The following RIDA variants were observed in gnomAD, a reference collection of about 807,000 sequenced individuals.
RIDA encodes reactive intermediate imine deaminase A, also known as 2-iminobutanoate/2-iminopropanoate deaminase.
A neutral mutation model predicts 17.8 loss-of-function variants in RIDA; 17 were observed. That is an observed-to-expected ratio of 0.96 (90% confidence interval 0.65 to 1.43). The LOEUF is 1.43. Ranked by LOEUF, RIDA falls within the 40% of genes most tolerant of loss-of-function variation. The pLI is 0.00. For synonymous variants in RIDA, 48 were observed against 55.7 expected (o/e 0.86, Z 0.62); for missense variants, 158 against 161.7 (o/e 0.98, Z 0.12).
chr8:98,106,233 A>G (rs764206799), intron 3 of RIDA, 39 bp downstream of exon 3: 1 of 1,585,388 alleles, frequency 6.3e-7, no homozygotes, highest in Admixed American at 1.7e-5. Flanking sequence ...GACCAAAGAA[A>G]TATCAAAAAG....
In RIDA at chr8:98,108,585, A is replaced by G. The variant is rs184746744; in HGVS notation, c.171+61T>C. On this transcript the variant is annotated intron_variant, in intron 2 of 5. Transcript: ENST00000254878. The stretch of plus-strand genomic sequence containing the variant: ...AACAAATCAGGCAAGTGGATTCTTA[A>G]TGCTCTTCAACATTAAAAAGGTAGT... 4,265 of 1,025,938 alleles carry G rather than the reference A, an allele frequency of 4.2e-3. 15 individuals carry two copies. The highest frequency in any genetic ancestry group is 5.2e-3 in the Non-Finnish European group (3,351 of 644,658). The allele number at this position is 1,025,938 out of a possible 1,614,324, so 63.6% of individuals were successfully genotyped here.
Position 98,108,721 on chromosome 8 carries a change from G to A in RIDA, c.96C>T (p.Tyr32=), listed in dbSNP as rs1444679723. ...GGTCCATGCCTATCTGTCCTGAAATGTAAATGGTCCTGTCGACTAATACAG... is the reference window on the plus strand; with the variant it reads ...GGTCCATGCCTATCTGTCCTGAAATATAAATGGTCCTGTCGACTAATACAG... ...SQAVLVDRTI[Y]ISGQIGMDPS... Residue 32 remains tyrosine (Y), a synonymous_variant, in exon 2 of 6, where the codon TAC becomes TAT. Transcript: ENST00000254878. 5 of 1,613,132 alleles carry A rather than the reference G, an allele frequency of 3.1e-6. No homozygotes were observed. The South Asian group carries it at 5.5e-5, about 18-fold the overall frequency.
chr8:98,109,184 A>G (rs1210407037), intron 1 of RIDA, among the ~76,000 whole-genome samples: 1 of 152,190 alleles, frequency 6.6e-6, no homozygotes, highest in Non-Finnish European at 1.5e-5. Flanking sequence ...GCACTGAGTA[A>G]CAGAGAAAGA....
intron 1 of RIDA, among the ~76,000 whole-genome samples, chr8:98,111,939 A>G (rs1815734001): frequency 6.6e-6 from 1 of 151,834 alleles, no homozygotes; most frequent in African/African-American, 2.4e-5. Flanking sequence ...GTATTCATCC[A>G]GTTTTTTTAA....
In RIDA at chr8:98,108,495, A is replaced by G; in HGVS notation, c.171+151T>C. ...GATCCATCAAATTTCCAACTCTTAG[A>G]TCAAAAACTATGTTAAATCAAGCAG... is the stretch of plus-strand genomic sequence containing the variant. On this transcript the variant is annotated intron_variant, in intron 2 of 5. Transcript: ENST00000254878. The G allele has an allele frequency of 5.2e-6, 3 of 581,146 alleles. No homozygotes were observed. The South Asian group carries it at 6.1e-5, about 12-fold the overall frequency. The allele number at this position is 581,146 out of a possible 1,614,324, so 36.0% of individuals were successfully genotyped here.
rs770002948 is a variant in RIDA, at chr8:98,117,085, C to G, written c.12G>C (p.Leu4Phe). The G allele has an allele frequency of 6.2e-7, 1 of 1,614,202 alleles. No homozygotes were observed. Among genetic ancestry groups the G allele is most frequent in the South Asian group, 1.1e-5 (1 of 91,074 alleles). MSSLIRRVISTAKA... is the reference protein window; with the variant it reads MSSFIRRVISTAKA... ...TCGCGGTGCTGATCACCCTTCTGAT[C>G]AAGGACGACATGGCTAAGCCTTCCC... The change falls in exon 1 of 6, where the codon TTG becomes TTC. Residue 4 changes from leucine to phenylalanine, a missense_variant. Physicochemically the swap from Leu to Phe is conservative, Grantham distance 22. Transcript: ENST00000254878.
At chr8:98,105,702 A>G (rs762923718) in intron 4 of RIDA, among the ~76,000 whole-genome samples, 51 of 152,346 alleles carry the variant, frequency 3.3e-4, no homozygotes, top group Non-Finnish European at 6.3e-4. Flanking sequence ...TAAGCTTTTG[A>G]AAAATGGATA....
chr8:98,108,887 GA>G, intron 1 of RIDA, 136 bp from the exon 2 acceptor site: 2 of 578,486 alleles, frequency 3.5e-6, no homozygotes, highest in Non-Finnish European at 6.1e-6. Flanking sequence ...CATGAAAATT[GA>G]AAACTTTTGT....
At chr8:98,106,533 G>A in intron 2 of RIDA, 1 of 515,210 alleles carries the variant, frequency 1.9e-6, no homozygotes, top group South Asian at 2.7e-5. Flanking sequence ...CTCCTTTTGT[G>A]CGTAAAAAGA....
chr8:98,112,222 A>ACACACACACACACG (rs1424502988), intron 1 of RIDA, among the ~76,000 whole-genome samples: 3 of 151,544 alleles, frequency 2.0e-5, no homozygotes, highest in African/African-American at 7.3e-5. Context: ...ACACACACAC[A>ACACACACACACACG]CTTTCTCTAA....
Position 98,108,667 on chromosome 8 carries a change from C to T in RIDA, c.150G>A (p.Gly50=). 1 of 1,611,970 alleles carries T rather than the reference C, an allele frequency of 6.2e-7. No homozygotes were observed. The highest frequency in any genetic ancestry group is 1.3e-5 in the African/African-American group (1 of 74,916). The change falls in exon 2 of 6, where the codon GGG becomes GGA. Residue 50 remains glycine (G), a synonymous_variant. Coordinates refer to ENST00000254878, the MANE Select transcript of RIDA (RefSeq NM_005836.3). ...TTACTTGTTTAGCTTCTTCTGCTAC[C>T]CCTCCTGACACAAGCTGTCCACTTG... The part of the protein sequence containing the change: ...DPSSGQLVSG[G]VAEEAKQALK...
At position 98,117,054 on chromosome 8, in the gene RIDA, G is replaced by C; in HGVS notation, c.43C>G (p.Pro15Ala). ...IRRVISTAKAPGAIGPYSQAV... is the reference protein window; with the variant it reads ...IRRVISTAKAAGAIGPYSQAV... ...TACCTGTAGGGTCCAATGGCCCCTG[G>C]GGCTTTCGCGGTGCTGATCACCCTT... Residue 15 changes from proline (P) to alanine (A), a missense_variant, in exon 1 of 6, where the codon CCA becomes GCA. Pro to Ala is a conservative substitution (Grantham distance 27). Coordinates refer to ENST00000254878, the MANE Select transcript of RIDA (RefSeq NM_005836.3). 1 of 1,614,156 alleles carries C rather than the reference G, an allele frequency of 6.2e-7. No homozygotes were observed. Among genetic ancestry groups the C allele is most frequent in the Non-Finnish European group, 8.5e-7 (1 of 1,179,974 alleles).
chr8:98,106,133 G>T, intron 3 of RIDA, 127 bp from the exon 4 acceptor site: 2 of 1,052,474 alleles, frequency 1.9e-6, no homozygotes, highest in Non-Finnish European at 2.9e-6. Flanking sequence ...CCAAAGAAGT[G>T]AAGTAGAACA....
At chr8:98,108,837 G>A (rs1815672958) in intron 1 of RIDA, 86 bp from the exon 2 acceptor site, 3 of 649,776 alleles carry the variant, frequency 4.6e-6, no homozygotes, top group Admixed American at 2.7e-5. Context: ...GGACAGAGAA[G>A]TATAAATTGT....
intron 4 of RIDA, among the ~76,000 whole-genome samples, chr8:98,105,013 A>G (rs1563762972): frequency 6.6e-6 from 1 of 151,568 alleles, no homozygotes; most frequent in Non-Finnish European, 1.5e-5. Context: ...TCCTGGCCTT[A>G]AGCAACATTT....
intron 3 of RIDA, 46 bp from the exon 4 acceptor site, chr8:98,106,052 C>A (rs1172980042): frequency 2.2e-6 from 3 of 1,355,134 alleles, no homozygotes; most frequent in Non-Finnish European, 3.2e-6. Flanking sequence ...TTTGGTCTGA[C>A]CCAAAACATT....
intron 1 of RIDA, among the ~76,000 whole-genome samples, chr8:98,111,018 G>A (rs766540311): frequency 1.8e-4 from 27 of 152,194 alleles, no homozygotes; most frequent in Non-Finnish European, 3.7e-4. Context: ...GGAACAGTGA[G>A]TCAATTAAGC....
chr8:98,102,759 A>G lies in RIDA; in HGVS notation c.*83T>C. The G allele has an allele frequency of 1.1e-6, 1 of 949,060 alleles. No individual in the cohort carries two copies. The highest frequency in any genetic ancestry group is 1.6e-6 in the Non-Finnish European group (1 of 626,336). 58.8% of individuals were successfully genotyped at this position (949,060 alleles called of 1,614,324 possible). A position where few individuals can be genotyped will look rare whatever the true frequency, so the allele number is the denominator to read the frequency against. ...AAACTCACACTGTCATCAATTGTGA[A>G]AATTAAAAGGTTAATTAAGATGTTA... On this transcript the variant is annotated 3_prime_UTR_variant, in exon 6 of 6. Coordinates refer to ENST00000254878, the MANE Select transcript of RIDA (RefSeq NM_005836.3).
intron 1 of RIDA, among the ~76,000 whole-genome samples, chr8:98,113,021 T>C (rs1409830589): frequency 2.0e-5 from 3 of 152,306 alleles, no homozygotes; most frequent in African/African-American, 7.2e-5. Context: ...AGACAAGTGG[T>C]TGGACTTCAG....
Sources: gnomAD v4.1 joint callset for allele counts (sites outside exome capture counted in the v4.1 genomes callset) on GRCh38, gnomAD v4.1.1 for gene constraint, MANE v1.5 for transcripts, NCBI Gene and HGNC (gene_info 2026-07-23, HGNC 2026-07-21) for gene names.